The following THSD7B variants were observed in gnomAD, a reference collection of about 807,000 sequenced individuals.
THSD7B encodes thrombospondin type 1 domain containing 7B.
A neutral mutation model predicts 213.6 loss-of-function variants in THSD7B; 138 were observed. The observed-to-expected ratio is 0.65, with a 90% CI of 0.56 to 0.74. The LOEUF (loss-of-function observed/expected upper bound fraction) is 0.74. Among genes scored for constraint, THSD7B ranks in the 30% least tolerant of loss-of-function variants. The probability of loss-of-function intolerance (pLI) is 0.00; values close to 1 mark genes in which losing one functional copy is unlikely to be tolerated. For synonymous variants in THSD7B, 742 were observed against 687.0 expected (o/e 1.08, Z -1.25); for missense variants, 1,931 against 1,991.5 (o/e 0.97, Z 0.58).
intron 9 of THSD7B, among the ~76,000 whole-genome samples, chr2:137,237,480 C>T (rs998478895): frequency 9.2e-5 from 14 of 152,150 alleles, no homozygotes; most frequent in African/African-American, 2.9e-4. Flanking sequence ...TGTTACTAAA[C>T]GTTTACACTG....
At chr2:137,482,737 T>G (rs1688335457) in intron 15 of THSD7B, among the ~76,000 whole-genome samples, 1 of 152,096 alleles carries the variant, frequency 6.6e-6, no homozygotes. Context: ...TAGTATTGCT[T>G]TTCCTTTTTT....
chr2:137,631,361 A>T (rs1160254396), intron 20 of THSD7B, among the ~76,000 whole-genome samples: 1 of 152,124 alleles, frequency 6.6e-6, no homozygotes, highest in Non-Finnish European at 1.5e-5. Flanking sequence ...TAATTATTTA[A>T]CTGATAACAC....
intron 2 of THSD7B, among the ~76,000 whole-genome samples, chr2:136,934,583 G>A (rs894306617): frequency 5.9e-5 from 9 of 152,138 alleles, no homozygotes; most frequent in African/African-American, 2.2e-4. Context: ...TTAGCAAGAG[G>A]TTAGGAAGCT....
chr2:136,834,428 A>T (rs1682813278), intron 1 of THSD7B, among the ~76,000 whole-genome samples: 1 of 152,194 alleles, frequency 6.6e-6, no homozygotes, highest in African/African-American at 2.4e-5. Context: ...AATGCCTTAA[A>T]AATATGCCAT....
chr2:137,227,219 A>G lies in THSD7B; in HGVS notation c.1724-3825A>G, dbSNP rs539031877. 2.0e-5 allele frequency among the ~76,000 whole-genome samples: 3 copies of G among 152,288 alleles called. No homozygotes were observed. The East Asian group carries it at 5.8e-4, about 29-fold the overall frequency. Reference sequence around the variant, plus strand: ...TGTTATGTGAATTTCATCACATTAAATTATTTTTCAAAATCCCAAGTGACA... The same window carrying G: ...TGTTATGTGAATTTCATCACATTAAGTTATTTTTCAAAATCCCAAGTGACA... On this transcript the variant is annotated intron_variant, in intron 7 of 27. Transcript: ENST00000409968.
intron 12 of THSD7B, among the ~76,000 whole-genome samples, chr2:137,280,955 G>T (rs1682993676): frequency 6.6e-6 from 1 of 151,640 alleles, no homozygotes; most frequent in Non-Finnish European, 1.5e-5. Flanking sequence ...TTTTTCTTTT[G>T]GACAGAACTT....
chr2:137,370,254 T>C (rs577553573), intron 12 of THSD7B, among the ~76,000 whole-genome samples: 14 of 152,292 alleles, frequency 9.2e-5, no homozygotes, highest in African/African-American at 3.4e-4. Flanking sequence ...TTCATTTTAA[T>C]TTTGGTTTTT....
At chr2:137,275,267 G>A (rs2104810318) in intron 11 of THSD7B, among the ~76,000 whole-genome samples, 1 of 152,126 alleles carries the variant, frequency 6.6e-6, no homozygotes, top group African/African-American at 2.4e-5. Flanking sequence ...TCTTTCCTAA[G>A]ATTAACTATC....
At chr2:137,332,129 C>T (rs748034593) in intron 12 of THSD7B, among the ~76,000 whole-genome samples, 7 of 152,154 alleles carry the variant, frequency 4.6e-5, no homozygotes, top group South Asian at 2.1e-4. Context: ...GCACCGAGAG[C>T]GAGCGAGGGC....
In THSD7B at chr2:137,594,809, C is replaced by T. The variant is rs779513281; in HGVS notation, c.3424-21366C>T. Among the ~76,000 whole-genome samples, 106 of 151,902 alleles carry T rather than the reference C, an allele frequency of 7.0e-4. 1 individual carries two copies. The highest frequency in any genetic ancestry group is 6.8e-3 in the Middle Eastern group (2 of 294). The stretch of plus-strand genomic sequence containing the variant: ...TTTATAGATCAGTTTGGAAAAGAAG[C>T]CTGATATCATAAAAATAGTCTCCCA... On this transcript the variant is annotated intron_variant, in intron 17 of 27. Transcript: ENST00000409968.
intron 20 of THSD7B, among the ~76,000 whole-genome samples, chr2:137,632,317 T>C (rs1014825577): frequency 3.9e-5 from 6 of 152,192 alleles, no homozygotes; most frequent in African/African-American, 1.4e-4. Flanking sequence ...TTTTAAACCT[T>C]CTAAATATGT....
intron 12 of THSD7B, among the ~76,000 whole-genome samples, chr2:137,306,175 A>G (rs1258024211): frequency 6.6e-6 from 1 of 152,142 alleles, no homozygotes. Flanking sequence ...ACATCACCAC[A>G]AACACAGTGC....
intron 15 of THSD7B, among the ~76,000 whole-genome samples, chr2:137,484,137 A>T (rs1218348120): frequency 2.0e-5 from 3 of 150,744 alleles, no homozygotes; most frequent in Non-Finnish European, 4.4e-5. Context: ...GTCATTTAGC[A>T]TTAGGTATAT....
intron 1 of THSD7B, among the ~76,000 whole-genome samples, chr2:136,881,250 TC>T (rs35450822): frequency 1.3e-5 from 2 of 152,304 alleles, no homozygotes; most frequent in East Asian, 1.9e-4. Flanking sequence ...TGTTAGAGCA[TC>T]CCTTGCCCTG....
chr2:136,912,850 G>A (rs181585278), intron 2 of THSD7B, among the ~76,000 whole-genome samples: 1 of 152,202 alleles, frequency 6.6e-6, no homozygotes, highest in Admixed American at 6.5e-5. Flanking sequence ...TTTCTTCCCA[G>A]TCTCAGATAT....
intron 12 of THSD7B, among the ~76,000 whole-genome samples, chr2:137,367,713 A>G (rs924304741): frequency 6.6e-5 from 10 of 152,142 alleles, no homozygotes; most frequent in African/African-American, 2.4e-4. Context: ...GTGTGCCAGC[A>G]TGGTTGGGTT....
At chr2:137,488,234 A>G (rs930073315) in intron 15 of THSD7B, among the ~76,000 whole-genome samples, 15 of 152,180 alleles carry the variant, frequency 9.9e-5, no homozygotes, top group Non-Finnish European at 2.1e-4. Context: ...ACTCATTTCT[A>G]ACACTTAAAG....
chr2:137,412,754 A>G (rs1007242481), intron 14 of THSD7B, among the ~76,000 whole-genome samples: 10 of 151,914 alleles, frequency 6.6e-5, no homozygotes, highest in African/African-American at 1.9e-4. Context: ...TTGAACCTTA[A>G]TTGGGAGAAT....
chr2:137,140,551 C>G (rs909176413), intron 5 of THSD7B, among the ~76,000 whole-genome samples: 3 of 151,860 alleles, frequency 2.0e-5, no homozygotes. Flanking sequence ...TCTAAGCTAT[C>G]CAGTTTCTTC....
Sources: allele counts gnomAD v4.1 joint callset (sites outside exome capture counted in the v4.1 genomes callset), GRCh38; gene constraint gnomAD v4.1.1; transcripts MANE v1.5; gene names NCBI Gene and HGNC (gene_info 2026-07-23, HGNC 2026-07-21).